The following PSMD14 variants were observed in gnomAD, a reference collection of about 807,000 sequenced individuals.
PSMD14 encodes the protein ubiquitin C-terminal hydrolase PSMD14.
In PSMD14, 7 loss-of-function variants were observed where a neutral mutation model predicts 41.2. That is an observed-to-expected ratio of 0.17 (90% CI 0.10 to 0.32). PSMD14 has a LOEUF of 0.32. Among genes scored for constraint, PSMD14 ranks in the 10% least tolerant of loss-of-function variants. PSMD14 has a pLI of 1.00. For synonymous variants in PSMD14, 114 were observed against 122.3 expected (o/e 0.93, Z 0.45); for missense variants, 139 against 375.6 (o/e 0.37, Z 5.21).
At chr2:161,389,886 G>GTTGTTGTTTTTTTTTTTTGTTTTTTTTTT (rs1330059094) in intron 8 of PSMD14, among the ~76,000 whole-genome samples, 2 of 14,938 alleles carry the variant, frequency 1.3e-4, no homozygotes, top group African/African-American at 1.9e-4. Flanking sequence ...TTTCTTTTTT[G>GTTGTTGTTTTTTTTTTTTGTTTTTTTTTT]TTGTTTTTTT....
At chr2:161,392,957 A>T (rs1001359753) in intron 9 of PSMD14, among the ~76,000 whole-genome samples, 2 of 152,126 alleles carry the variant, frequency 1.3e-5, no homozygotes, top group Non-Finnish European at 2.9e-5. Flanking sequence ...GGAGTATCTC[A>T]TAAACTTAGC....
chr2:161,394,983 G>A (rs1000013984), intron 9 of PSMD14, 95 bp from the exon 10 acceptor site: 6 of 1,052,916 alleles, frequency 5.7e-6, no homozygotes, highest in African/African-American at 3.3e-5. Context: ...CCATTAAGTC[G>A]AAATGTTTTT....
chr2:161,361,926 A>G (rs563594960), intron 3 of PSMD14, among the ~76,000 whole-genome samples: 9 of 152,308 alleles, frequency 5.9e-5, no homozygotes, highest in African/African-American at 2.2e-4. Context: ...ATGTTTTCAT[A>G]ACTAATATAT....
At chr2:161,356,506 A>G (rs908790563) in intron 3 of PSMD14, among the ~76,000 whole-genome samples, 1 of 152,110 alleles carries the variant, frequency 6.6e-6, no homozygotes, top group South Asian at 2.1e-4. Context: ...ATTTTATGAT[A>G]AAATTTGTTG....
rs775090397 is a variant in PSMD14 at position 161,411,409 on chromosome 2, A to C, written c.*9A>C. 1 of 1,573,954 alleles carries C rather than the reference A, an allele frequency of 6.4e-7. No homozygotes were observed. Among genetic ancestry groups the C allele is most frequent in the Non-Finnish European group, 8.7e-7 (1 of 1,148,470 alleles). On this transcript the variant is annotated 3_prime_UTR_variant, in exon 12 of 12. Coordinates refer to ENST00000409682, the MANE Select transcript of PSMD14 (RefSeq NM_005805.6). ...CTGTCGTATTTAAATAAAGCAACGAAAAACGCTATTAATGATGCCTTCAGT... is the reference window on the plus strand; with the variant it reads ...CTGTCGTATTTAAATAAAGCAACGACAAACGCTATTAATGATGCCTTCAGT...
chr2:161,315,565 TGGAA>T (rs1442969266), intron 1 of PSMD14, among the ~76,000 whole-genome samples: 1 of 152,158 alleles, frequency 6.6e-6, no homozygotes, highest in African/African-American at 2.4e-5. Context: ...ACAATAAAAA[TGGAA>T]GGATGATGTA....
intron 3 of PSMD14, among the ~76,000 whole-genome samples, chr2:161,350,942 C>G (rs1420552018): frequency 1.3e-5 from 2 of 152,204 alleles, no homozygotes; most frequent in African/African-American, 4.8e-5. Flanking sequence ...TTCTTCTCAT[C>G]ATTGCCTCTG....
chr2:161,327,921 G>T (rs1401979650), intron 3 of PSMD14, among the ~76,000 whole-genome samples: 1 of 141,196 alleles, frequency 7.1e-6, no homozygotes, highest in African/African-American at 2.6e-5. Flanking sequence ...AATGAAAATT[G>T]GGGAAGCAGG....
chr2:161,341,152 G>T, intron 3 of PSMD14: 1 of 1,049,478 alleles, frequency 9.5e-7, no homozygotes, highest in Non-Finnish European at 1.2e-6. Context: ...GGGGCGCAGG[G>T]GCGGGACGGC....
Position 161,411,489 on chromosome 2 carries a change from C to A in PSMD14, c.*89C>A. ...AAATCAAGGGACCTCTGAAGGTGTA[C>A]TTGGCTAAATGTAAGACATCTGGCA... On this transcript the variant is annotated 3_prime_UTR_variant, in exon 12 of 12. Transcript: ENST00000409682. 1 of 873,936 alleles carries A rather than the reference C, an allele frequency of 1.1e-6. No homozygotes were observed. Among genetic ancestry groups the A allele is most frequent in the Non-Finnish European group, 1.7e-6 (1 of 592,262 alleles). The allele number at this position is 873,936 out of a possible 1,614,324, so 54.1% of individuals were successfully genotyped here. A position where few individuals can be genotyped will look rare whatever the true frequency, so the allele number is the denominator to read the frequency against.
chr2:161,312,529 G>A (rs1401463594), intron 1 of PSMD14, among the ~76,000 whole-genome samples: 1 of 152,186 alleles, frequency 6.6e-6, no homozygotes, highest in East Asian at 1.9e-4. Context: ...AGAAAAAGTG[G>A]AAAGTAATCA....
chr2:161,392,452 C>T (rs555028981), intron 9 of PSMD14, among the ~76,000 whole-genome samples: 5 of 152,272 alleles, frequency 3.3e-5, no homozygotes, highest in African/African-American at 9.6e-5. Context: ...GGGCTCTCCA[C>T]GCTTACCCCC....
At chr2:161,332,988 G>C (rs988751520) in intron 3 of PSMD14, among the ~76,000 whole-genome samples, 47 of 152,168 alleles carry the variant, frequency 3.1e-4, no homozygotes, top group Non-Finnish European at 4.4e-5. Flanking sequence ...TTAAATAAGT[G>C]TATAAGAGCA....
intron 3 of PSMD14, among the ~76,000 whole-genome samples, chr2:161,332,933 G>A (rs1682816434): frequency 6.6e-6 from 1 of 152,126 alleles, no homozygotes; most frequent in Non-Finnish European, 1.5e-5. Context: ...AAGTTTCTTT[G>A]CACTTTCCCA....
chr2:161,329,999 A>T (rs1682761786), intron 3 of PSMD14, among the ~76,000 whole-genome samples: 1 of 152,168 alleles, frequency 6.6e-6, no homozygotes. Context: ...AACCTGTGTC[A>T]GTTTGTTTGA....
chr2:161,371,979 T>A (rs1046365336), intron 7 of PSMD14, among the ~76,000 whole-genome samples: 1 of 151,902 alleles, frequency 6.6e-6, no homozygotes, highest in African/African-American at 2.4e-5. Flanking sequence ...TTTTTTTTTT[T>A]ATTTCTTTCT....
At chr2:161,321,866 G>A (rs1217549744) in intron 3 of PSMD14, among the ~76,000 whole-genome samples, 1 of 152,176 alleles carries the variant, frequency 6.6e-6, no homozygotes, top group Non-Finnish European at 1.5e-5. Context: ...CTGCACATCA[G>A]TGAGTTTACC....
intron 3 of PSMD14, among the ~76,000 whole-genome samples, chr2:161,335,480 T>C (rs1682855225): frequency 6.6e-6 from 1 of 152,250 alleles, no homozygotes. Context: ...GGCCACTATA[T>C]TGGACAGTGC....
chr2:161,387,031 T>C (rs1683644344), intron 8 of PSMD14, among the ~76,000 whole-genome samples: 2 of 152,016 alleles, frequency 1.3e-5, no homozygotes, highest in South Asian at 2.1e-4. Flanking sequence ...TTAAACAACA[T>C]GTGTATGTAA....
Sources: allele counts gnomAD v4.1 joint callset (sites outside exome capture counted in the v4.1 genomes callset), GRCh38; gene constraint gnomAD v4.1.1; transcripts MANE v1.5; gene names NCBI Gene and HGNC (gene_info 2026-07-23, HGNC 2026-07-21).